MACROH2A1: variants seen among roughly 807,000 people sequenced by gnomAD.
The protein encoded by MACROH2A1 is core histone macro-H2A.1.
MACROH2A1 carries 2 observed loss-of-function variants against 31.6 expected under a neutral mutation model. The observed-to-expected ratio is 0.06, with a 90% CI of 0.03 to 0.20. The LOEUF (loss-of-function observed/expected upper bound fraction) is 0.20. Among genes scored for constraint, MACROH2A1 ranks in the 10% least tolerant of loss-of-function variants. The probability of loss-of-function intolerance (pLI) is 1.00; values close to 1 mark genes in which losing one functional copy is unlikely to be tolerated. For missense variants in MACROH2A1, 230 were observed against 474.0 expected (o/e 0.49, Z 4.78); for synonymous variants, 169 against 189.6 (o/e 0.89, Z 0.89).
intron 5 of MACROH2A1, chr5:135,359,956 GC>G: frequency 1.0e-6 from 1 of 955,342 alleles, no homozygotes; most frequent in Non-Finnish European, 1.2e-6. Context: ...AAAATATATT[GC>G]CCATGGTTAA....
rs2149843743 is a variant in MACROH2A1 at position 135,369,778 on chromosome 5, A to C, written c.280-175T>G. Among the ~76,000 whole-genome samples the C allele has an allele frequency of 6.6e-6, 1 of 152,302 alleles. No homozygotes were observed. The highest frequency in any genetic ancestry group is 2.4e-5 in the African/African-American group (1 of 41,576). On this transcript the variant is annotated intron_variant, in intron 3 of 8. Coordinates refer to ENST00000511689, the MANE Select transcript of MACROH2A1 (RefSeq NM_138610.3). The surrounding 1 kb of genome is among the most constrained non-coding windows in gnomAD (Gnocchi z 4.3). ...CTCACTGCTCAGGGATCCAGTCCCC[A>C]GAGTCCCTCACTCAAATGGAATTTA...
intron 7 of MACROH2A1, chr5:135,343,744 C>T (rs1378561662): frequency 5.4e-6 from 2 of 373,246 alleles, no homozygotes; most frequent in Non-Finnish European, 9.9e-6. Context: ...CATCAAAACT[C>T]AACTGAACGC....
At chr5:135,397,423 G>A (rs1262072769) in intron 1 of MACROH2A1, among the ~76,000 whole-genome samples, 1 of 152,170 alleles carries the variant, frequency 6.6e-6, no homozygotes, top group Admixed American at 6.5e-5. Context: ...TAAAATGTGA[G>A]TTAAATTATG....
Position 135,369,023 on chromosome 5 carries a change from C to A in MACROH2A1, c.477+383G>T, listed in dbSNP as rs1763858969. Among the ~76,000 whole-genome samples the A allele has an allele frequency of 6.6e-6, 1 of 152,238 alleles. No homozygotes were observed. Among genetic ancestry groups the A allele is most frequent in the Non-Finnish European group, 1.5e-5 (1 of 68,040 alleles). ...AGAGTTCTGCAACTGAGCATCAGGG[C>A]ATGCAGGTAGCTGGCCACAGGACTA... On this transcript the variant is annotated intron_variant, in intron 4 of 8. Transcript: ENST00000511689. This position sits in a 1 kb window ranked among gnomAD's most constrained non-coding sequence, Gnocchi z 4.3.
intron 8 of MACROH2A1, among the ~76,000 whole-genome samples, chr5:135,338,276 C>T (rs545807831): frequency 2.6e-5 from 4 of 152,168 alleles, no homozygotes; most frequent in Admixed American, 6.5e-5. Context: ...CAGGATTTCC[C>T]GGAGTCACAC....
chr5:135,356,342 C>T (rs1762173517), intron 5 of MACROH2A1: 1 of 152,156 alleles, frequency 6.6e-6, no homozygotes, highest in Admixed American at 6.5e-5. Flanking sequence ...CCGAGTCTTC[C>T]CTGTGGTGAG....
At chr5:135,355,341 G>A (rs17168190) in intron 5 of MACROH2A1, 4,541 of 438,850 alleles carry the variant, frequency 0.01, 190 homozygotes, top group African/African-American at 0.082. Flanking sequence ...GCAGACTACA[G>A]TACCTCAGGG....
intron 5 of MACROH2A1, chr5:135,354,852 AC>A: frequency 2.8e-6 from 1 of 352,256 alleles, no homozygotes; most frequent in Non-Finnish European, 5.6e-6. Flanking sequence ...AATACTCCCC[AC>A]CACACACCAC....
At chr5:135,346,961 G>A (rs1048892401) in intron 6 of MACROH2A1, 2 of 152,248 alleles carry the variant, frequency 1.3e-5, no homozygotes, top group African/African-American at 4.8e-5. Context: ...TTAGCAACAA[G>A]ATCAGCCTTT....
At chr5:135,376,411 G>A (rs1195563668) in intron 2 of MACROH2A1, among the ~76,000 whole-genome samples, 1 of 152,148 alleles carries the variant, frequency 6.6e-6, no homozygotes, top group Non-Finnish European at 1.5e-5. Context: ...AAATAAATAA[G>A]TTTACATTAT....
chr5:135,339,878 A>G (rs1435068071), intron 8 of MACROH2A1, among the ~76,000 whole-genome samples: 1 of 152,216 alleles, frequency 6.6e-6, no homozygotes, highest in Non-Finnish European at 1.5e-5. Flanking sequence ...GCAGCCCCAA[A>G]GTGGCCTCCC....
intron 4 of MACROH2A1, chr5:135,362,552 T>C (rs1289737656): frequency 2.6e-5 from 4 of 152,300 alleles, no homozygotes; most frequent in Non-Finnish European, 5.9e-5. Flanking sequence ...AAAAATAGGA[T>C]GCTAAGCCCT....
intron 6 of MACROH2A1, among the ~76,000 whole-genome samples, chr5:135,349,007 T>C (rs3776212): frequency 0.2 from 29,735 of 152,226 alleles, 6,404 homozygotes; most frequent in African/African-American, 0.54. Flanking sequence ...TGGGCTCTTC[T>C]GGGTGGCACA....
chr5:135,378,800 G>A (rs937991950), intron 2 of MACROH2A1, among the ~76,000 whole-genome samples: 5 of 152,176 alleles, frequency 3.3e-5, no homozygotes, highest in African/African-American at 1.2e-4. Context: ...TACGGCAGAT[G>A]TTTTGGAACT....
intron 8 of MACROH2A1, among the ~76,000 whole-genome samples, chr5:135,341,789 G>C (rs1759918903): frequency 6.6e-6 from 1 of 152,264 alleles, no homozygotes; most frequent in African/African-American, 2.4e-5. Context: ...AAAGTGCTTT[G>C]CAGAGAGCAG....
At chr5:135,395,420 G>A (rs1401140634) in intron 1 of MACROH2A1, among the ~76,000 whole-genome samples, 2 of 152,342 alleles carry the variant, frequency 1.3e-5, no homozygotes, top group African/African-American at 4.8e-5. Context: ...GGATAGAGGA[G>A]TCTGAGCTAT....
chr5:135,392,431 C>A (rs1767373458), intron 1 of MACROH2A1, among the ~76,000 whole-genome samples: 1 of 152,172 alleles, frequency 6.6e-6, no homozygotes, highest in Non-Finnish European at 1.5e-5. Flanking sequence ...GGTTGTCTTG[C>A]AGAGATTCTG....
At chr5:135,385,942 G>A (rs541751342) in intron 2 of MACROH2A1, among the ~76,000 whole-genome samples, 156 of 152,224 alleles carry the variant, frequency 1.0e-3, no homozygotes, top group African/African-American at 3.4e-3. Flanking sequence ...AGCCTAGCAC[G>A]GTGCCTGGCA....
Position 135,378,291 on chromosome 5 carries a change from G to A in MACROH2A1, c.173-8149C>T, listed in dbSNP as rs532532972. ...CAGCAGCTCTAACATGCACCAGACCGCCCCTTCCCGGCGGGCCAGCACATG... is the reference window on the plus strand; with the variant it reads ...CAGCAGCTCTAACATGCACCAGACCACCCCTTCCCGGCGGGCCAGCACATG... On this transcript the variant is annotated intron_variant, in intron 2 of 8. Coordinates refer to ENST00000511689, the MANE Select transcript of MACROH2A1 (RefSeq NM_138610.3). Among the ~76,000 whole-genome samples, 8 of 152,308 alleles carry A rather than the reference G, an allele frequency of 5.3e-5. No individual in the cohort carries two copies. The South Asian group carries it at 1.4e-3, about 28-fold the overall frequency.
Sources: allele counts gnomAD v4.1 joint callset (sites outside exome capture counted in the v4.1 genomes callset), GRCh38; gene constraint gnomAD v4.1.1; non-coding constraint Gnocchi (gnomAD v3.1); transcripts MANE v1.5; gene names NCBI Gene and HGNC (gene_info 2026-07-23, HGNC 2026-07-21).